The following AGR2 variants were observed in gnomAD, a reference collection of about 807,000 sequenced individuals.
The protein encoded by AGR2 is anterior gradient 2, protein disulphide isomerase family member, also known as anterior gradient protein 2 homolog.
In AGR2, 27 loss-of-function variants were observed where a neutral mutation model predicts 25.9. That is an observed-to-expected ratio of 1.04 (90% CI 0.77 to 1.44). The LOEUF is 1.44. AGR2 is among the 40% of genes most tolerant of loss of function. The pLI is 0.00. For missense variants in AGR2, 182 were observed against 200.9 expected (o/e 0.91, Z 0.57); for synonymous variants, 78 against 72.0 (o/e 1.08, Z -0.42).
Position 16,801,676 on chromosome 7 carries a change from G to T in AGR2, c.121C>A (p.Pro41Thr). 6.2e-7 allele frequency: 1 copy of T among 1,613,844 alleles called. No homozygotes were observed. The highest frequency in any genetic ancestry group is 8.5e-7 in the Non-Finnish European group (1 of 1,179,972). ...KDTKDSRPKL[P>T]QTLSRGWGDQ... ...CTCCTACCTCTGGAGAGGGTCTGGG[G>T]CAGTTTGGGTCGAGAGTCCTTTGTG... is the stretch of plus-strand genomic sequence containing the variant. Residue 41 changes from proline (P) to threonine (T), a missense_variant, in exon 2 of 8, where the codon CCC (proline) becomes ACC (threonine). By Grantham distance (38) the Pro-to-Thr change is conservative. Transcript: ENST00000419304.
At position 16,797,772 on chromosome 7, in the gene AGR2, T is replaced by C. The variant is rs990699420; in HGVS notation, c.331-78A>G. ...TCAAACTTGTTAATACAAGAATCTG[T>C]CCATTTCCGGCCAGGCATCTCAAGA... On this transcript the variant is annotated intron_variant, in intron 5 of 7. Coordinates refer to ENST00000419304, the MANE Select transcript of AGR2 (RefSeq NM_006408.4). The C allele has an allele frequency of 2.5e-6, 3 of 1,214,274 alleles. No individual in the cohort carries two copies. In the African/African-American group the frequency reaches 4.5e-5, roughly 18 times the overall value. The allele number at this position is 1,214,274 out of a possible 1,614,324, so 75.2% of individuals were successfully genotyped here.
At chr7:16,802,780 A>G (rs907223620) in intron 1 of AGR2, among the ~76,000 whole-genome samples, 4 of 152,106 alleles carry the variant, frequency 2.6e-5, no homozygotes, top group African/African-American at 9.7e-5. Flanking sequence ...AAATAGATAA[A>G]TAGAGATATA....
In AGR2 at chr7:16,804,969, G is replaced by C. The variant is rs564593214; in HGVS notation, c.-42C>G. On this transcript the variant is annotated 5_prime_UTR_variant, in exon 1 of 8. Transcript: ENST00000419304. The stretch of plus-strand genomic sequence containing the variant: ...CTCACCCACCTGCCTTGTGTGAGTC[G>C]GCGGCTAGGATGCGGTCCAAGCTTC... 1 of 152,298 alleles carries C rather than the reference G, an allele frequency of 6.6e-6. No homozygotes were observed. Among genetic ancestry groups the C allele is most frequent in the Non-Finnish European group, 1.5e-5 (1 of 68,090 alleles). The allele number at this position is 152,298 out of a possible 1,614,324, so 9.4% of individuals were successfully genotyped here.
chr7:16,801,088 T>A, intron 4 of AGR2, 63 bp downstream of exon 4: 3 of 1,346,164 alleles, frequency 2.2e-6, no homozygotes, highest in Non-Finnish European at 3.2e-6. Flanking sequence ...ACATGAGTGA[T>A]CTGAACCCTG....
At chr7:16,803,514 AT>A (rs796913552) in intron 1 of AGR2, among the ~76,000 whole-genome samples, 19 of 151,888 alleles carry the variant, frequency 1.3e-4, no homozygotes, top group South Asian at 6.3e-4. Flanking sequence ...GCATTAGCTG[AT>A]TTTTTTTTAA....
At chr7:16,802,916 T>C (rs1049258491) in intron 1 of AGR2, among the ~76,000 whole-genome samples, 1 of 152,010 alleles carries the variant, frequency 6.6e-6, no homozygotes, top group African/African-American at 2.4e-5. Context: ...CACTGCAACC[T>C]CCACCTCCTG....
intron 1 of AGR2, among the ~76,000 whole-genome samples, chr7:16,802,605 G>T (rs116022500): frequency 3.9e-5 from 6 of 152,074 alleles, no homozygotes; most frequent in Non-Finnish European, 1.5e-5. Context: ...AATGTGTATT[G>T]CTTTTGCACC....
chr7:16,802,459 A>T (rs1785165242), intron 1 of AGR2, among the ~76,000 whole-genome samples: 1 of 152,202 alleles, frequency 6.6e-6, no homozygotes, highest in South Asian at 2.1e-4. Flanking sequence ...ACATTAGCCT[A>T]AAGTTGGGAA....
At chr7:16,796,143 C>G (rs1162755647) in intron 6 of AGR2, among the ~76,000 whole-genome samples, 1 of 152,152 alleles carries the variant, frequency 6.6e-6, no homozygotes, top group Non-Finnish European at 1.5e-5. Flanking sequence ...GCCTGGGCAA[C>G]TTGATCTTTA....
chr7:16,802,146 A>C (rs1408356418), intron 1 of AGR2, among the ~76,000 whole-genome samples: 4 of 152,052 alleles, frequency 2.6e-5, no homozygotes, highest in Non-Finnish European at 5.9e-5. Flanking sequence ...GTGCAATAAG[A>C]TATTTTGAGA....
At chr7:16,796,421 C>G (rs1323831198) in intron 6 of AGR2, among the ~76,000 whole-genome samples, 8 of 152,066 alleles carry the variant, frequency 5.3e-5, no homozygotes, top group Admixed American at 2.0e-4. Flanking sequence ...TCCTTTTTTT[C>G]TATTTCTTGT....
In AGR2 at chr7:16,792,553, C is replaced by G. The variant is rs548525357; in HGVS notation, c.*355G>C. The G allele has an allele frequency of 4.6e-5, 10 of 218,282 alleles. No homozygotes were observed. Among genetic ancestry groups the G allele is most frequent in the Admixed American group, 3.3e-4 (6 of 18,074 alleles). The allele number at this position is 218,282 out of a possible 1,614,324, so 13.5% of individuals were successfully genotyped here. On this transcript the variant is annotated 3_prime_UTR_variant, in exon 8 of 8. Coordinates refer to ENST00000419304, the MANE Select transcript of AGR2 (RefSeq NM_006408.4). The stretch of plus-strand genomic sequence containing the variant: ...TGGTCTTTGGTCTTCATCATTTGAA[C>G]TAGTTTTGGTTTTGTCTTGTCCCTT...
chr7:16,798,822 G>A (rs981028561), intron 5 of AGR2, among the ~76,000 whole-genome samples: 4 of 152,166 alleles, frequency 2.6e-5, no homozygotes, highest in African/African-American at 9.7e-5. Context: ...CAGTAAAATA[G>A]GGAATAGAGA....
intron 7 of AGR2, 116 bp from the exon 8 acceptor site, chr7:16,793,073 C>CCTTGTCTCAAAAAA: frequency 1.1e-6 from 1 of 939,274 alleles, no homozygotes; most frequent in Non-Finnish European, 1.7e-6. Flanking sequence ...TTTTTTGAGA[C>CCTTGTCTCAAAAAA]AAGGTCTCAC....
intron 1 of AGR2, chr7:16,803,274 C>G (rs1377353317): frequency 1.3e-5 from 2 of 152,150 alleles, no homozygotes; most frequent in Non-Finnish European, 1.5e-5. Flanking sequence ...GTGAGTTGCT[C>G]TAGCAAGTCA....
intron 6 of AGR2, among the ~76,000 whole-genome samples, chr7:16,796,539 G>A (rs566606795): frequency 1.3e-5 from 2 of 152,242 alleles, no homozygotes; most frequent in East Asian, 1.9e-4. Context: ...ATTATGGATT[G>A]TCCTTAAATC....
chr7:16,804,309 C>A (rs999006486), intron 1 of AGR2, among the ~76,000 whole-genome samples: 1 of 150,444 alleles, frequency 6.6e-6, no homozygotes, highest in African/African-American at 2.5e-5. Flanking sequence ...TTATGTGAAG[C>A]CAGCACTTTT....
rs1371898821 is a variant in AGR2 at position 16,801,754 on chromosome 7, G to A, written c.43C>T (p.Leu15Phe). ...PVSAFLLLVA[L>F]SYTLARDTTV... ...GTATCTCTGGCCAGAGTGTAGGAGA[G>A]GGCCACAAGGAGCAAGAATGCTGAC... Residue 15 changes from leucine to phenylalanine, a missense_variant, in exon 2 of 8, where the codon CTC becomes TTC. By Grantham distance (22) the Leu-to-Phe change is conservative. Transcript: ENST00000419304. 7 of 1,612,836 alleles carry A rather than the reference G, an allele frequency of 4.3e-6. No individual in the cohort carries two copies. The highest frequency in any genetic ancestry group is 1.1e-5 in the South Asian group (1 of 90,924).
At chr7:16,802,735 T>A (rs966963107) in intron 1 of AGR2, among the ~76,000 whole-genome samples, 1 of 152,010 alleles carries the variant, frequency 6.6e-6, no homozygotes, top group Non-Finnish European at 1.5e-5. Context: ...TCTATAGATA[T>A]AGAGTTATCT....
Sources: gnomAD v4.1 joint callset for allele counts (sites outside exome capture counted in the v4.1 genomes callset) on GRCh38, gnomAD v4.1.1 for gene constraint, MANE v1.5 for transcripts, NCBI Gene and HGNC (gene_info 2026-07-23, HGNC 2026-07-21) for gene names.